CHRND: variants seen among roughly 807,000 people sequenced by gnomAD.
CHRND encodes acetylcholine receptor subunit delta.
A neutral mutation model predicts 57.8 loss-of-function variants in CHRND; 40 were observed. The observed-to-expected ratio is 0.69, with a 90% confidence interval of 0.54 to 0.90. The LOEUF is 0.90. CHRND is among the 40% of genes least tolerant of loss of function. CHRND has a pLI of 0.00. For missense variants in CHRND, 634 were observed against 673.9 expected (o/e 0.94, Z 0.66); for synonymous variants, 237 against 270.6 (o/e 0.88, Z 1.22).
In CHRND at chr2:232,527,659, G is replaced by A. The variant is rs1691532172; in HGVS notation, c.243+214G>A. On this transcript the variant is annotated intron_variant, in intron 3 of 11. Transcript: ENST00000258385. ...CTCGGGAAGCTGAGGCAGGAGAATG[G>A]TGTGAACGCAGGAGGCGGAGCTTGC... Among the ~76,000 whole-genome samples, 4 of 152,134 alleles carry A rather than the reference G, an allele frequency of 2.6e-5. No individual in the cohort carries two copies. The South Asian group carries it at 8.3e-4, about 32-fold the overall frequency.
At chr2:232,532,557 C>T (rs1314256418) in intron 9 of CHRND, among the ~76,000 whole-genome samples, 1 of 152,102 alleles carries the variant, frequency 6.6e-6, no homozygotes, top group African/African-American at 2.4e-5. Context: ...GACATATACT[C>T]CCACGGGAGT....
Position 232,526,206 on chromosome 2 carries a change from G to C in CHRND, c.-10G>C. ...GAGGGGCAGATGCACGTCCCAGTCA[G>C]AGGGATGGGATGGAGGGGCCAGTGC... On this transcript the variant is annotated 5_prime_UTR_variant, in exon 1 of 12. Transcript: ENST00000258385. The C allele has an allele frequency of 6.2e-7, 1 of 1,610,476 alleles. No individual in the cohort carries two copies. Among genetic ancestry groups the C allele is most frequent in the South Asian group, 1.1e-5 (1 of 90,910 alleles).
rs761101114 is a variant in CHRND, at chr2:232,529,942, A to T, written c.623A>T (p.Asn208Ile). 10 of 1,613,648 alleles carry T rather than the reference A, an allele frequency of 6.2e-6. No homozygotes were observed. In the South Asian group the frequency reaches 1.1e-4, roughly 18 times the overall value. The change falls in exon 7 of 12, where the codon AAC becomes ATC. Residue 208 changes from asparagine to isoleucine, a missense_variant. By Grantham distance (149) the Asn-to-Ile change is moderately radical. Transcript: ENST00000258385. ...GATGTCCATGTGCCGCCCTCAGAGA[A>T]CGGGGAGTGGGAGATAGTCCACCGG... Reference protein sequence around the residue: ...IIIDPEGFTENGEWEIVHRPA... With the variant: ...IIIDPEGFTEIGEWEIVHRPA...
chr2:232,526,816 C>T lies in CHRND; in HGVS notation c.198+142C>T, dbSNP rs983401099. The T allele has an allele frequency of 4.6e-4, 394 of 853,454 alleles. 2 individuals are homozygous for T. Among genetic ancestry groups the T allele is most frequent in the South Asian group, 6.8e-4 (42 of 62,200 alleles). The allele number at this position is 853,454 out of a possible 1,614,324, so 52.9% of individuals were successfully genotyped here. On this transcript the variant is annotated intron_variant, in intron 2 of 11. Coordinates refer to ENST00000258385, the MANE Select transcript of CHRND (RefSeq NM_000751.3). ...GAAACGTGCTGCGGCTGCTCTGTGC[C>T]CTGAGAGGCTGCTGTCCTGCCCCTC...
chr2:232,531,486 C>T (rs1353916973), intron 8 of CHRND, 23 bp downstream of exon 8: 13 of 1,613,392 alleles, frequency 8.1e-6, no homozygotes, highest in Non-Finnish European at 1.1e-5. Flanking sequence ...CAAGCCCGGC[C>T]TCACCCTGCT....
At chr2:232,531,267 A>T in intron 7 of CHRND, 85 bp from the exon 8 acceptor site, 1 of 665,374 alleles carries the variant, frequency 1.5e-6, no homozygotes, top group Non-Finnish European at 2.5e-6. Flanking sequence ...CCACAGCGGG[A>T]CCCTCTAGGA....
rs1691841378 is a variant in CHRND at position 232,535,176 on chromosome 2, G to A, written c.1418G>A (p.Cys473Tyr). 3.7e-6 allele frequency: 6 copies of A among 1,614,106 alleles called. No homozygotes were observed. Among genetic ancestry groups the A allele is most frequent in the African/African-American group, 1.3e-5 (1 of 74,936 alleles). Residue 473 changes from cysteine to tyrosine, a missense_variant, in exon 12 of 12, where the codon TGC becomes TAC. Transcript: ENST00000258385. ...GTGGCCCGCACAGTGGACCGCCTCTGCCTGTTTGTGGTGACGCCTGTCATG... is the reference window on the plus strand; with the variant it reads ...GTGGCCCGCACAGTGGACCGCCTCTACCTGTTTGTGGTGACGCCTGTCATG... ...NRVARTVDRL[C>Y]LFVVTPVMVV... is the part of the protein sequence containing the mutation.
Position 232,528,261 on chromosome 2 carries a change from G to A in CHRND, c.244-1G>A, listed in dbSNP as rs767241369. 3 of 1,614,142 alleles carry A rather than the reference G, an allele frequency of 1.9e-6. No individual in the cohort carries two copies. Among genetic ancestry groups the A allele is most frequent in the East Asian group, 4.5e-5 (2 of 44,866 alleles). On this transcript the variant is annotated splice_acceptor_variant, in intron 3 of 11. Transcript: ENST00000258385. LOFTEE classifies it high-confidence loss of function. ...CTGGTGACATGCCTTTGGGATTCCA[G>A]GGCTGGACAGACAACCGGCTGAAGT...
Position 232,528,675 on chromosome 2 carries a change from C to T in CHRND, c.509+19C>T. 6.2e-7 allele frequency: 1 copy of T among 1,613,570 alleles called. No individual in the cohort carries two copies. The highest frequency in any genetic ancestry group is 1.1e-5 in the South Asian group (1 of 91,082). Reference sequence around the variant, plus strand: ...AGTTCAGGTGTGCCCTTTTCTCCAGCCACCCCTCACCCCAAAGCACCCTGC... The same window carrying T: ...AGTTCAGGTGTGCCCTTTTCTCCAGTCACCCCTCACCCCAAAGCACCCTGC... On this transcript the variant is annotated intron_variant, in intron 5 of 11. Coordinates refer to ENST00000258385, the MANE Select transcript of CHRND (RefSeq NM_000751.3).
intron 9 of CHRND, among the ~76,000 whole-genome samples, chr2:232,532,362 G>C (rs1272394908): frequency 1.3e-5 from 2 of 151,798 alleles, no homozygotes; most frequent in South Asian, 4.2e-4. Context: ...CAGCTACTCG[G>C]GGGGCTGAGG....
At chr2:232,528,788 C>T (rs1192239677) in intron 5 of CHRND, 74 bp from the exon 6 acceptor site, 2 of 1,569,332 alleles carry the variant, frequency 1.3e-6, no homozygotes, top group Non-Finnish European at 1.8e-6. Context: ...AATGGTCCTC[C>T]CTTACCAGCC....
chr2:232,526,771 T>C (rs1559293070), intron 2 of CHRND, 97 bp downstream of exon 2: 2 of 1,294,558 alleles, frequency 1.5e-6, no homozygotes, highest in East Asian at 4.8e-5. Context: ...CCACCTGGCC[T>C]ATGGCCACTC....
chr2:232,534,885 CT>C (rs1691829215), intron 11 of CHRND, among the ~76,000 whole-genome samples: 1 of 152,226 alleles, frequency 6.6e-6, no homozygotes, highest in South Asian at 2.1e-4. Flanking sequence ...CCCCAGAGCC[CT>C]GTGCTACAGC....
intron 3 of CHRND, 49 bp downstream of exon 3, chr2:232,527,494 C>G (rs773207199): frequency 1.6e-5 from 24 of 1,482,458 alleles, no homozygotes; most frequent in Non-Finnish European, 2.3e-5. Flanking sequence ...CCTGTAATCC[C>G]AGCACTTTGG....
intron 3 of CHRND, 57 bp from the exon 4 acceptor site, chr2:232,528,205 G>C: frequency 6.6e-7 from 1 of 1,514,646 alleles, no homozygotes; most frequent in East Asian, 2.3e-5. Flanking sequence ...GAAGTGGGGG[G>C]AGCCAGGAGC....
chr2:232,526,394 G>T, intron 1 of CHRND, 127 bp downstream of exon 1: 1 of 1,522,214 alleles, frequency 6.6e-7, no homozygotes, highest in Non-Finnish European at 9.0e-7. Context: ...GCCTTCTGGG[G>T]TCCCCACTCC....
At position 232,529,797 on chromosome 2, in the gene CHRND, G is replaced by A. The variant is rs1478696329; in HGVS notation, c.620-142G>A. ...CTTCCATCCCGACCCCCCAGGGAAC[G>A]ACACCCACCAACGGGACCCCGTAGA... On this transcript the variant is annotated intron_variant, in intron 6 of 11. Transcript: ENST00000258385. The A allele has an allele frequency of 6.6e-6, 5 of 756,546 alleles. No individual in the cohort carries two copies. In the East Asian group the frequency reaches 7.9e-5, roughly 12 times the overall value. 46.9% of individuals were successfully genotyped at this position (756,546 alleles called of 1,614,324 possible).
Position 232,528,513 on chromosome 2 carries a change from C to T in CHRND, c.366C>T (p.Ser122=). 6.2e-7 allele frequency: 1 copy of T among 1,614,156 alleles called. No individual in the cohort carries two copies. The highest frequency in any genetic ancestry group is 1.1e-5 in the South Asian group (1 of 91,080). ...CCCTGTCCCCCAGCAATGACGGCTCCTTCCAGATCTCCTACTCCTGCAACG... is the reference window on the plus strand; with the variant it reads ...CCCTGTCCCCCAGCAATGACGGCTCTTTCCAGATCTCCTACTCCTGCAACG... ...EIVLENNNDG[S]FQISYSCNVL... Residue 122 remains serine, a synonymous_variant, in exon 5 of 12, where the codon TCC becomes TCT. Transcript: ENST00000258385.
At position 232,531,413 on chromosome 2, in the gene CHRND, C is replaced by T. The variant is rs1178183798; in HGVS notation, c.882C>T (p.Leu294=). Residue 294 remains leucine (L), a synonymous_variant, in exon 8 of 12, where the codon CTC becomes CTT. Transcript: ENST00000258385. ...VLLAQSVFLL[L]ISKRLPATSM... ...TGGCTCAGTCTGTCTTCCTGCTGCT[C>T]ATCTCCAAGCGTCTGCCTGCCACAT... The T allele has an allele frequency of 4.3e-6, 7 of 1,613,852 alleles. No individual in the cohort carries two copies. The highest frequency in any genetic ancestry group is 2.7e-5 in the African/African-American group (2 of 74,902).
Sources: gnomAD v4.1 joint callset for allele counts (sites outside exome capture counted in the v4.1 genomes callset) on GRCh38, gnomAD v4.1.1 for gene constraint, MANE v1.5 for transcripts, NCBI Gene and HGNC (gene_info 2026-07-23, HGNC 2026-07-21) for gene names.